COL9A1: variants seen among roughly 807,000 people sequenced by gnomAD.
COL9A1 encodes collagen type IX alpha 1 chain.
A neutral mutation model predicts 142.6 loss-of-function variants in COL9A1; 104 were observed. The ratio of observed to expected loss-of-function variants is 0.73; its 90% CI spans 0.62 to 0.86. The LOEUF (loss-of-function observed/expected upper bound fraction) is 0.86, where lower values mean the gene tolerates loss of function less well. COL9A1 is among the 40% of genes least tolerant of loss of function. COL9A1 has a pLI of 0.00. For missense variants in COL9A1, 1,210 were observed against 1,176.6 expected, an observed-to-expected ratio of 1.03 and a Z score of -0.42; for synonymous variants, 466 against 396.0, an observed-to-expected ratio of 1.18 and a Z score of -2.10.
rs1302762720 is a variant in COL9A1, at chr6:70,268,731, G to T, written c.1287+73C>A. ...CAAGTGGGGTCTCTGCACCAGGAAG[G>T]CTAATGCTTAAAGTAAAGGCTCCAT... On this transcript the variant is annotated intron_variant, in intron 17 of 37. Coordinates refer to ENST00000357250, the MANE Select transcript of COL9A1 (RefSeq NM_001851.6). 5.8e-6 allele frequency: 8 copies of T among 1,367,968 alleles called. No individual in the cohort carries two copies. In the South Asian group the frequency reaches 7.2e-5, roughly 12 times the overall value. The allele number at this position is 1,367,968 out of a possible 1,614,324, so 84.7% of individuals were successfully genotyped here. A position where few individuals can be genotyped will look rare whatever the true frequency, so the allele number is the denominator to read the frequency against.
At chr6:70,268,042 A>G (rs1199439409) in intron 17 of COL9A1, among the ~76,000 whole-genome samples, 3 of 152,200 alleles carry the variant, frequency 2.0e-5, no homozygotes, top group African/African-American at 4.8e-5. Context: ...TTTTGTTTGT[A>G]TGGAAAACTT....
intron 32 of COL9A1, among the ~76,000 whole-genome samples, chr6:70,240,197 C>G (rs971088863): frequency 1.3e-5 from 2 of 152,150 alleles, no homozygotes; most frequent in African/African-American, 4.8e-5. Context: ...TAGGCAACAG[C>G]CTCCTCTGGA....
intron 4 of COL9A1, among the ~76,000 whole-genome samples, chr6:70,299,051 T>A (rs1013548365): frequency 6.6e-6 from 1 of 152,060 alleles, no homozygotes; most frequent in Non-Finnish European, 1.5e-5. Context: ...TATCACAGGG[T>A]TGTGATGAGA....
chr6:70,228,500 C>T (rs1374453360), intron 36 of COL9A1, among the ~76,000 whole-genome samples: 2 of 152,052 alleles, frequency 1.3e-5, no homozygotes, highest in Non-Finnish European at 2.9e-5. Context: ...TCTATACATA[C>T]CATTTTTTTT....
intron 7 of COL9A1, 116 bp downstream of exon 7, chr6:70,282,782 G>C (rs921563292): frequency 6.7e-7 from 1 of 1,484,344 alleles, no homozygotes; most frequent in Non-Finnish European, 9.3e-7. Context: ...GAGGAAGCGC[G>C]GGTCTGAGAG....
At chr6:70,283,175 C>G (rs1773283015) in intron 6 of COL9A1, 2 of 1,499,422 alleles carry the variant, frequency 1.3e-6, no homozygotes, top group Non-Finnish European at 1.8e-6. Flanking sequence ...CCGGGAGTAG[C>G]GGTTGCCAAA....
At chr6:70,283,208 C>T (rs1773286021) in intron 6 of COL9A1, 4 of 1,464,994 alleles carry the variant, frequency 2.7e-6, no homozygotes, top group South Asian at 1.4e-5. Flanking sequence ...GGGAGGCGCG[C>T]GTTCCCCCTG....
At chr6:70,263,324 G>T (rs77621199) in intron 18 of COL9A1, 27 bp from the exon 19 acceptor site, 27 of 1,595,762 alleles carry the variant, frequency 1.7e-5, no homozygotes, top group South Asian at 2.3e-5. Context: ...AAAAAGAAAA[G>T]CACACCAAAT....
At chr6:70,222,565 G>A (rs1196687964) in intron 37 of COL9A1, among the ~76,000 whole-genome samples, 1 of 152,088 alleles carries the variant, frequency 6.6e-6, no homozygotes, top group Non-Finnish European at 1.5e-5. Flanking sequence ...GTCCCTGCAG[G>A]GCATGTAATA....
chr6:70,283,963 T>A, intron 5 of COL9A1, 143 bp from the exon 6 acceptor site: 1 of 722,500 alleles, frequency 1.4e-6, no homozygotes. Context: ...GGACTCTTGC[T>A]TTTCCTTGAA....
intron 28 of COL9A1, among the ~76,000 whole-genome samples, chr6:70,249,956 C>G (rs1272766744): frequency 6.6e-6 from 1 of 152,160 alleles, no homozygotes; most frequent in Non-Finnish European, 1.5e-5. Flanking sequence ...ATAGAGCTTT[C>G]TGCTCTTTAA....
intron 28 of COL9A1, among the ~76,000 whole-genome samples, chr6:70,251,812 T>C (rs1217892426): frequency 6.6e-6 from 1 of 152,226 alleles, no homozygotes; most frequent in Non-Finnish European, 1.5e-5. Context: ...TCAATAAAGA[T>C]AGGTGAATTA....
intron 12 of COL9A1, among the ~76,000 whole-genome samples, chr6:70,272,785 T>G (rs1015011017): frequency 6.6e-6 from 1 of 152,220 alleles, no homozygotes. Flanking sequence ...CTTATTCATC[T>G]TCCTAGCCCC....
chr6:70,270,324 G>C lies in COL9A1; in HGVS notation c.1187C>G (p.Pro396Arg). ...RRGPPGPPGP[P>R]GPRGTIGFHD... is the part of the protein sequence containing the mutation. ...CTGCAAATAACTTACTCTGGGTCCT[G>C]GGGGGCCAGGGGGGCCAGGTGGTCC... Residue 396 changes from proline (P) to arginine (R), a missense_variant, in exon 15 of 38, where the codon CCA (proline) becomes CGA (arginine). Transcript: ENST00000357250. The C allele has an allele frequency of 6.2e-7, 1 of 1,612,568 alleles. No individual in the cohort carries two copies. The highest frequency in any genetic ancestry group is 8.5e-7 in the Non-Finnish European group (1 of 1,178,912).
chr6:70,218,416 T>G (rs916121745), intron 37 of COL9A1, among the ~76,000 whole-genome samples: 1 of 152,168 alleles, frequency 6.6e-6, no homozygotes, highest in Non-Finnish European at 1.5e-5. Context: ...CAGCACCCCA[T>G]AACAAAGAGG....
chr6:70,262,171 A>T (rs1299795268), intron 19 of COL9A1, among the ~76,000 whole-genome samples: 1 of 152,108 alleles, frequency 6.6e-6, no homozygotes, highest in Admixed American at 6.5e-5. Flanking sequence ...AGATCAAAAA[A>T]AAAAAGCATA....
chr6:70,257,834 G>C (rs765427919), intron 20 of COL9A1, among the ~76,000 whole-genome samples: 4 of 152,186 alleles, frequency 2.6e-5, no homozygotes, highest in Non-Finnish European at 4.4e-5. Flanking sequence ...CCACAACTGT[G>C]AGAGGGATTT....
At chr6:70,296,240 G>C (rs1470298650) in intron 4 of COL9A1, among the ~76,000 whole-genome samples, 1 of 152,058 alleles carries the variant, frequency 6.6e-6, no homozygotes, top group Non-Finnish European at 1.5e-5. Context: ...CATCATAGAA[G>C]TATTTTTTTT....
At chr6:70,277,314 G>T (rs1467824569) in intron 10 of COL9A1, among the ~76,000 whole-genome samples, 3 of 150,904 alleles carry the variant, frequency 2.0e-5, no homozygotes, top group African/African-American at 7.3e-5. Context: ...ACCAAGTTCT[G>T]TCTTATCTAA....
Sources: gnomAD v4.1 joint callset for allele counts (sites outside exome capture counted in the v4.1 genomes callset) on GRCh38, gnomAD v4.1.1 for gene constraint, MANE v1.5 for transcripts, NCBI Gene and HGNC (gene_info 2026-07-23, HGNC 2026-07-21) for gene names.